The following PLEKHG4B variants were observed in gnomAD, a reference collection of about 807,000 sequenced individuals.
PLEKHG4B encodes pleckstrin homology and RhoGEF domain containing G4B.
A neutral mutation model predicts 121.3 loss-of-function variants in PLEKHG4B; 111 were observed. That is an observed-to-expected ratio of 0.92 (90% CI 0.78 to 1.07). The LOEUF (loss-of-function observed/expected upper bound fraction) is 1.07, where lower values mean the gene tolerates loss of function less well. PLEKHG4B is among the 50% of genes least tolerant of loss of function. PLEKHG4B has a pLI of 0.00. For synonymous variants in PLEKHG4B, 738 were observed against 725.0 expected (o/e 1.02, Z -0.29); for missense variants, 1,831 against 1,757.8 (o/e 1.04, Z -0.74).
chr5:143,171 C>T lies in PLEKHG4B; in HGVS notation c.1602C>T (p.Gly534=). The part of the protein sequence containing the change: ...PHPEQEGWPP[G]TGDFPSQVPK... ...CCGAGCAAGAAGGGTGGCCACCCGG[C>T]ACAGGAGACTTCCCCAGCCAGGTGC... is the stretch of plus-strand genomic sequence containing the variant. Residue 534 remains glycine, a synonymous_variant, in exon 4 of 20, where the codon GGC becomes GGT. Coordinates refer to ENST00000637938, the MANE Select transcript of PLEKHG4B (RefSeq NM_052909.5). The T allele has an allele frequency of 3.7e-6, 6 of 1,612,134 alleles. No individual in the cohort carries two copies. The highest frequency in any genetic ancestry group is 5.1e-6 in the Non-Finnish European group (6 of 1,180,016).
intron 1 of PLEKHG4B, among the ~76,000 whole-genome samples, chr5:93,026 A>C (rs1025797725): frequency 6.6e-6 from 1 of 152,130 alleles, no homozygotes; most frequent in African/African-American, 2.4e-5. Flanking sequence ...TTCGTGTGAA[A>C]CTAAAGAGTG....
intron 1 of PLEKHG4B, among the ~76,000 whole-genome samples, chr5:101,354 T>G (rs1240178543): frequency 8.2e-6 from 1 of 121,632 alleles, no homozygotes; most frequent in East Asian, 2.3e-4. Flanking sequence ...AAAAAGCCTG[T>G]AGGGGAGAGA....
At chr5:148,302 C>T (rs1205681622) in intron 6 of PLEKHG4B, among the ~76,000 whole-genome samples, 1 of 145,120 alleles carries the variant, frequency 6.9e-6, no homozygotes, top group Non-Finnish European at 1.5e-5. Flanking sequence ...TCTCTATTCC[C>T]AGATGATGTG....
rs375620007 is a variant in PLEKHG4B, at chr5:161,911, C to T, written c.2616C>T (p.Ala872=). The change falls in exon 12 of 20, where the codon GCC becomes GCT. Residue 872 remains alanine, a synonymous_variant. Transcript: ENST00000637938. ...CTGAGTGCAGGGAGGGAGAGCTGGC[C>T]AGGTGGACCCGCTCGTCCGAGTTGT... ...SQAECREGEL[A]RWTRSSELCE... is the part of the protein sequence containing the mutation. 12 of 1,612,950 alleles carry T rather than the reference C, an allele frequency of 7.4e-6. No individual in the cohort carries two copies. In the African/African-American group the frequency reaches 1.1e-4, roughly 14 times the overall value.
intron 1 of PLEKHG4B, among the ~76,000 whole-genome samples, chr5:105,422 TTGA>T (rs1245876757): frequency 6.6e-6 from 1 of 152,274 alleles, no homozygotes; most frequent in African/African-American, 2.4e-5. Flanking sequence ...AGAAACCATA[TTGA>T]TGATTTACGT....
In PLEKHG4B at chr5:101,194, CTG is replaced by C. The variant is rs1315346509; in HGVS notation, c.45+8920_45+8921del. Among the ~76,000 whole-genome samples the C allele has an allele frequency of 4.0e-5, 5 of 124,874 alleles. 1 individual carries two copies. Among genetic ancestry groups the C allele is most frequent in the African/African-American group, 1.2e-4 (3 of 24,886 alleles). The allele number at this position is 124,874 out of a possible 152,430, so 81.9% of individuals were successfully genotyped here. A position where few individuals can be genotyped will look rare whatever the true frequency, so the allele number is the denominator to read the frequency against. ...ATCCATATAAAGCTCTGGAAAAAGTCTGTAGGGGAGAGACTGTTGTGAGGTTA... is the reference window on the plus strand; with the variant it reads ...ATCCATATAAAGCTCTGGAAAAAGTCTAGGGGAGAGACTGTTGTGAGGTTA... On this transcript the variant is annotated intron_variant, in intron 1 of 19. Transcript: ENST00000637938.
intron 14 of PLEKHG4B, 48 bp from the exon 15 acceptor site, chr5:170,995 T>C (rs1010832055): frequency 1.3e-6 from 2 of 1,514,230 alleles, no homozygotes; most frequent in Non-Finnish European, 1.8e-6. Flanking sequence ...GCCTGCTGTC[T>C]CTGGGCCTGT....
Position 154,883 on chromosome 5 carries a change from C to T in PLEKHG4B, c.2001C>T (p.Val667=), listed in dbSNP as rs1240743506. The change falls in exon 8 of 20, where the codon GTC becomes GTT. Residue 667 remains valine, a synonymous_variant. Coordinates refer to ENST00000637938, the MANE Select transcript of PLEKHG4B (RefSeq NM_052909.5). ...GTGCCTCTTCTTGGCAGTGTGAGGT[C>T]GTGAGCTCCCTGAAGGCCGTGCACA... ...PDKDAIIQCE[V]VSSLKAVHKF... 14 of 1,613,670 alleles carry T rather than the reference C, an allele frequency of 8.7e-6. No individual in the cohort carries two copies. The South Asian group carries it at 8.8e-5, about 10-fold the overall frequency.
chr5:140,826 C>T, intron 3 of PLEKHG4B, 110 bp downstream of exon 3: 2 of 811,824 alleles, frequency 2.5e-6, no homozygotes, highest in Admixed American at 3.4e-5. Context: ...CACAACCTCC[C>T]CCTGCACACC....
intron 3 of PLEKHG4B, among the ~76,000 whole-genome samples, chr5:141,669 A>G (rs945267891): frequency 2.6e-5 from 4 of 152,028 alleles, no homozygotes; most frequent in Non-Finnish European, 5.9e-5. Context: ...TTTGCAGGAC[A>G]TAAAGTAAGA....
chr5:144,992 A>G (rs187321186), intron 6 of PLEKHG4B, 72 bp downstream of exon 6: 3 of 1,424,962 alleles, frequency 2.1e-6, no homozygotes, highest in East Asian at 2.3e-5. Flanking sequence ...GGCTGCCCAC[A>G]TCGTGGTTCT....
intron 18 of PLEKHG4B, among the ~76,000 whole-genome samples, chr5:176,684 C>T (rs1443356638): frequency 1.3e-5 from 2 of 152,226 alleles, no homozygotes; most frequent in Non-Finnish European, 2.9e-5. Context: ...CATCCCTGAC[C>T]ATTTACCAGA....
intron 1 of PLEKHG4B, among the ~76,000 whole-genome samples, chr5:99,822 TTTGAGTTTTTCACCA>T (rs2126332727): frequency 6.6e-6 from 1 of 152,224 alleles, no homozygotes; most frequent in South Asian, 2.1e-4. Flanking sequence ...TGGGGAAAAC[TTTGAGTTTTTCACCA>T]TTGAGTATAT....
At chr5:171,999 A>G (rs1736569719) in intron 16 of PLEKHG4B, among the ~76,000 whole-genome samples, 1 of 152,214 alleles carries the variant, frequency 6.6e-6, no homozygotes, top group South Asian at 2.1e-4. Context: ...GATGCCCAAA[A>G]GGCCACGGGT....
intron 13 of PLEKHG4B, among the ~76,000 whole-genome samples, chr5:165,445 T>C (rs190354456): frequency 0.024 from 102 of 4,166 alleles, no homozygotes; most frequent in Admixed American, 0.031. Flanking sequence ...AATGCTCTGA[T>C]GGGGCGGGGC....
chr5:145,693 G>C (rs1579286890), intron 6 of PLEKHG4B, among the ~76,000 whole-genome samples: 1 of 152,168 alleles, frequency 6.6e-6, no homozygotes, highest in East Asian at 1.9e-4. Flanking sequence ...GCAACATCCA[G>C]AGATGGGAAG....
intron 11 of PLEKHG4B, 120 bp from the exon 12 acceptor site, chr5:161,652 AGGCAGCAGCAG>A: frequency 9.1e-7 from 1 of 1,096,554 alleles, no homozygotes; most frequent in Non-Finnish European, 1.3e-6. Context: ...CGAGAATGAG[AGGCAGCAGCAG>A]GCAGCACTGT....
chr5:182,494 C>A lies in PLEKHG4B; in HGVS notation c.*171C>A. The A allele has an allele frequency of 1.6e-6, 1 of 639,990 alleles. No individual in the cohort carries two copies. The highest frequency in any genetic ancestry group is 1.8e-5 in the African/African-American group (1 of 55,138). 39.6% of individuals were successfully genotyped at this position (639,990 alleles called of 1,614,324 possible). On this transcript the variant is annotated 3_prime_UTR_variant, in exon 20 of 20. Transcript: ENST00000637938. ...TCCCAGGATTTTAGACATTCCCTAACATTTTCAAACAAATTTATAATTTTG... is the reference window on the plus strand; with the variant it reads ...TCCCAGGATTTTAGACATTCCCTAAAATTTTCAAACAAATTTATAATTTTG...
intron 11 of PLEKHG4B, among the ~76,000 whole-genome samples, chr5:160,086 G>A (rs913996942): frequency 6.6e-6 from 1 of 152,264 alleles, no homozygotes; most frequent in Admixed American, 6.5e-5. Context: ...GTGCACGTCT[G>A]TCTCTATATA....
Sources: gnomAD v4.1 joint callset for allele counts (sites outside exome capture counted in the v4.1 genomes callset) on GRCh38, gnomAD v4.1.1 for gene constraint, MANE v1.5 for transcripts, NCBI Gene and HGNC (gene_info 2026-07-23, HGNC 2026-07-21) for gene names.